Variants in ENOX1 observed in about 807,000 individuals in gnomAD.
ENOX1 encodes ecto-NOX disulfide-thiol exchanger 1, also known as candidate growth-related and time keeping constitutive hydroquinone (NADH) oxidase.
ENOX1 carries 42 observed loss-of-function variants against 82.5 expected under a neutral mutation model. The observed-to-expected ratio is 0.51, with a 90% CI of 0.40 to 0.66. The LOEUF is 0.66. ENOX1 is among the 30% of genes least tolerant of loss of function. The pLI, the probability that ENOX1 is intolerant of heterozygous loss-of-function variation, is 0.00. For missense variants in ENOX1, 608 were observed against 811.6 expected (o/e 0.75, Z 3.05); for synonymous variants, 271 against 282.2 (o/e 0.96, Z 0.40).
chr13:43,760,479 C>A (rs1238781704), intron 1 of ENOX1, among the ~76,000 whole-genome samples: 1 of 152,102 alleles, frequency 6.6e-6, no homozygotes, highest in Non-Finnish European at 1.5e-5. Flanking sequence ...TCCATGCCCT[C>A]CCCCGAATGC....
intron 2 of ENOX1, among the ~76,000 whole-genome samples, chr13:43,531,582 C>A (rs1593663637): frequency 6.8e-6 from 1 of 146,882 alleles, no homozygotes; most frequent in East Asian, 2.0e-4. Context: ...GGGTATATAC[C>A]CAAAGGATTA....
chr13:43,584,156 A>G (rs533941715), intron 2 of ENOX1, among the ~76,000 whole-genome samples: 93 of 152,364 alleles, frequency 6.1e-4, no homozygotes, highest in Non-Finnish European at 1.1e-3. Flanking sequence ...ACTGACAGTA[A>G]CAGCTATTGC....
At chr13:43,235,589 G>A (rs148000356) in intron 15 of ENOX1, among the ~76,000 whole-genome samples, 3,925 of 152,166 alleles carry the variant, frequency 0.026, 80 homozygotes, top group Non-Finnish European at 0.042. Flanking sequence ...AAAATTAGCT[G>A]GGCGTGGTGG....
intron 5 of ENOX1, among the ~76,000 whole-genome samples, chr13:43,377,438 T>C (rs1453249602): frequency 6.6e-6 from 1 of 152,228 alleles, no homozygotes; most frequent in African/African-American, 2.4e-5. Context: ...TGTGGTACTC[T>C]GTTATAGCAG....
intron 1 of ENOX1, among the ~76,000 whole-genome samples, chr13:43,692,158 C>A (rs761367945): frequency 4.6e-5 from 7 of 152,202 alleles, no homozygotes; most frequent in Non-Finnish European, 1.0e-4. Context: ...ACCTAAGGAT[C>A]CAGGGGAACT....
chr13:43,557,660 G>T (rs2079499280), intron 2 of ENOX1, among the ~76,000 whole-genome samples: 1 of 152,112 alleles, frequency 6.6e-6, no homozygotes, highest in African/African-American at 2.4e-5. Flanking sequence ...GATTCATTTT[G>T]TGTGGTGCAT....
chr13:43,355,604 C>CCCCT (rs1281012143), intron 8 of ENOX1, among the ~76,000 whole-genome samples: 1 of 152,164 alleles, frequency 6.6e-6, no homozygotes, highest in African/African-American at 2.4e-5. Flanking sequence ...ACCTTTCTGT[C>CCCCT]CCCTCATTCA....
chr13:43,617,847 T>C (rs976825211), intron 2 of ENOX1, among the ~76,000 whole-genome samples: 9 of 152,096 alleles, frequency 5.9e-5, no homozygotes, highest in African/African-American at 1.9e-4. Flanking sequence ...ACAAGAAGTG[T>C]AGAAGTGTTC....
chr13:43,472,010 CA>C lies in ENOX1; in HGVS notation c.-75+11998del, dbSNP rs201728922. ...AAATTCTTTAAAACTAAGACTTTCA[CA>C]AAAAAAAAGAAAAGAAAAATTAAAA... is the stretch of plus-strand genomic sequence containing the variant. On this transcript the variant is annotated intron_variant, in intron 3 of 16. Coordinates refer to ENST00000690772, the MANE Select transcript of ENOX1 (RefSeq NM_001347969.2). 1.1e-3 allele frequency among the ~76,000 whole-genome samples: 163 copies of C among 145,318 alleles called. 1 individual carries two copies. The highest frequency in any genetic ancestry group is 3.4e-3 in the East Asian group (17 of 5,006).
chr13:43,400,291 C>T (rs1022955432), intron 5 of ENOX1, among the ~76,000 whole-genome samples: 4 of 152,178 alleles, frequency 2.6e-5, no homozygotes, highest in African/African-American at 7.2e-5. Context: ...GCCCACTTAT[C>T]CTCAGCAGAT....
In ENOX1 at chr13:43,270,150, A is replaced by AGCCCTGCTTAAAAT. The variant is rs1233112914; in HGVS notation, c.1447-574_1447-573insATTTTAAGCAGGGC. 4.6e-5 allele frequency among the ~76,000 whole-genome samples: 7 copies of AGCCCTGCTTAAAAT among 152,306 alleles called. No individual in the cohort carries two copies. The East Asian group carries it at 1.3e-3, about 29-fold the overall frequency. On this transcript the variant is annotated intron_variant, in intron 12 of 16. Transcript: ENST00000690772. Reference sequence around the variant, plus strand: ...GCTATGGCCTACACTGCTATTTTTAAGCAGGGCCACTGTATGGATTTTTGT... The same window carrying AGCCCTGCTTAAAAT: ...GCTATGGCCTACACTGCTATTTTTAAGCCCTGCTTAAAATGCAGGGCCACTGTATGGATTTTTGT...
intron 1 of ENOX1, among the ~76,000 whole-genome samples, chr13:43,678,472 G>A (rs938331132): frequency 1.3e-5 from 2 of 152,074 alleles, no homozygotes; most frequent in Non-Finnish European, 2.9e-5. Flanking sequence ...AATATTTGTT[G>A]ACTAGATGAT....
chr13:43,611,092 T>C (rs965513156), intron 2 of ENOX1, among the ~76,000 whole-genome samples: 1 of 152,176 alleles, frequency 6.6e-6, no homozygotes, highest in Non-Finnish European at 1.5e-5. Context: ...TATCCCACCT[T>C]GGGGGCCTTG....
chr13:43,584,205 G>A (rs550881851), intron 2 of ENOX1, among the ~76,000 whole-genome samples: 3 of 152,298 alleles, frequency 2.0e-5, no homozygotes, highest in African/African-American at 7.2e-5. Flanking sequence ...TTCCAGGCAC[G>A]GAGGTGGGAA....
intron 1 of ENOX1, among the ~76,000 whole-genome samples, chr13:43,760,334 T>C (rs1462062165): frequency 6.6e-6 from 1 of 152,228 alleles, no homozygotes; most frequent in Non-Finnish European, 1.5e-5. Context: ...CAAATGATTG[T>C]AATTTATACT....
chr13:43,556,242 T>C (rs2079431325), intron 2 of ENOX1, among the ~76,000 whole-genome samples: 1 of 152,194 alleles, frequency 6.6e-6, no homozygotes, highest in African/African-American at 2.4e-5. Flanking sequence ...AGTTTTTTTT[T>C]TTTTAACTCT....
intron 9 of ENOX1, among the ~76,000 whole-genome samples, chr13:43,328,451 C>T (rs1212426063): frequency 2.6e-5 from 4 of 152,176 alleles, no homozygotes; most frequent in African/African-American, 9.7e-5. Flanking sequence ...GATGTCCTGA[C>T]ACCAGTCCTA....
chr13:43,340,816 C>G lies in ENOX1; in HGVS notation c.1036+3722G>C, dbSNP rs944774268. On this transcript the variant is annotated intron_variant, in intron 9 of 16. Transcript: ENST00000690772. ...GGTTCCCTCCTGCCTGTCTTCTGAT[C>G]TACTCATTCATTCACTCACTCATCC... Among the ~76,000 whole-genome samples the G allele has an allele frequency of 2.0e-5, 3 of 152,192 alleles. No individual in the cohort carries two copies. In the East Asian group the frequency reaches 5.8e-4, roughly 29 times the overall value.
At chr13:43,483,256 T>C (rs2058575735) in intron 3 of ENOX1, among the ~76,000 whole-genome samples, 1 of 152,220 alleles carries the variant, frequency 6.6e-6, no homozygotes, top group Non-Finnish European at 1.5e-5. Flanking sequence ...CTGTTTCCTT[T>C]TCCAGCTTTG....
Sources: gnomAD v4.1 joint callset for allele counts (sites outside exome capture counted in the v4.1 genomes callset) on GRCh38, gnomAD v4.1.1 for gene constraint, MANE v1.5 for transcripts, NCBI Gene and HGNC (gene_info 2026-07-23, HGNC 2026-07-21) for gene names.